The following ERO1B variants were observed in gnomAD, a reference collection of about 807,000 sequenced individuals.
The protein encoded by ERO1B is ERO1-like protein beta.
A neutral mutation model predicts 75.3 loss-of-function variants in ERO1B; 49 were observed. The observed-to-expected ratio is 0.65, with a 90% confidence interval of 0.52 to 0.83. The LOEUF is 0.83. Ranked by LOEUF, ERO1B falls within the 40% of genes least tolerant of loss-of-function variation. The pLI is 0.00. For missense variants in ERO1B, 512 were observed against 560.1 expected (o/e 0.91, Z 0.87); for synonymous variants, 191 against 192.9 (o/e 0.99, Z 0.08).
At chr1:236,276,920 G>A (rs1333946071) in intron 1 of ERO1B, among the ~76,000 whole-genome samples, 1 of 152,138 alleles carries the variant, frequency 6.6e-6, no homozygotes, top group African/African-American at 2.4e-5. Flanking sequence ...AATCATGGGG[G>A]CGGACTTCCC....
intron 1 of ERO1B, among the ~76,000 whole-genome samples, chr1:236,270,456 T>G (rs1264555652): frequency 1.3e-5 from 2 of 152,178 alleles, no homozygotes; most frequent in Admixed American, 6.5e-5. Flanking sequence ...ATTTCATGAA[T>G]GAGGTATTAT....
At chr1:236,236,099 G>A (rs1664536305) in intron 7 of ERO1B, among the ~76,000 whole-genome samples, 179 bp downstream of exon 7, 1 of 151,962 alleles carries the variant, frequency 6.6e-6, no homozygotes, top group African/African-American at 2.4e-5. Flanking sequence ...TAATTTTTTT[G>A]TATTTTTAGT....
At chr1:236,256,235 G>A (rs562968216) in intron 2 of ERO1B, among the ~76,000 whole-genome samples, 40 of 152,262 alleles carry the variant, frequency 2.6e-4, no homozygotes, top group African/African-American at 9.1e-4. Flanking sequence ...CCTCTCATTA[G>A]AAGGAGGCAA....
chr1:236,274,015 ACT>A (rs1387897350), intron 1 of ERO1B, among the ~76,000 whole-genome samples: 2 of 127,572 alleles, frequency 1.6e-5, no homozygotes, highest in Non-Finnish European at 3.1e-5. Flanking sequence ...ACAGAGTCTC[ACT>A]CTGTCACCCA....
At chr1:236,267,994 C>G (rs1558521730) in intron 2 of ERO1B, 1 of 152,004 alleles carries the variant, frequency 6.6e-6, no homozygotes. Flanking sequence ...AAGCACATGT[C>G]TTATTCATAT....
At chr1:236,239,614 C>T (rs1664632269) in intron 6 of ERO1B, among the ~76,000 whole-genome samples, 1 of 151,766 alleles carries the variant, frequency 6.6e-6, no homozygotes, top group Non-Finnish European at 1.5e-5. Context: ...TGAAACTTGT[C>T]TCAGTTTGCA....
At chr1:236,281,537 T>C (rs919373032) in intron 1 of ERO1B, 145 bp downstream of exon 1, 54 of 520,706 alleles carry the variant, frequency 1.0e-4, no homozygotes, top group African/African-American at 9.9e-4. Flanking sequence ...GTCAGGTCTC[T>C]GCTCCCCGGG....
rs768924911 is a variant in ERO1B at position 236,281,757 on chromosome 1, G to A, written c.27C>T (p.Gly9=). The A allele has an allele frequency of 5.9e-6, 9 of 1,513,476 alleles. No individual in the cohort carries two copies. In the African/African-American group the frequency reaches 7.1e-5, roughly 12 times the overall value. The allele number at this position is 1,513,476 out of a possible 1,614,324, so 93.8% of individuals were successfully genotyped here. The stretch of plus-strand genomic sequence containing the variant: ...CCGCGGCCGCTACCCCCTGCCCAGC[G>A]CCTGCCCGGCGGACCCCTTGGCTCA... MSQGVRRA[G]AGQGVAAAVQ... The change falls in exon 1 of 16, where the codon GGC becomes GGT. Residue 9 remains glycine (G), a synonymous_variant. Transcript: ENST00000354619.
chr1:236,246,057 C>T lies in ERO1B; in HGVS notation c.432-2562G>A, dbSNP rs182131512. 1.4e-3 allele frequency among the ~76,000 whole-genome samples: 218 copies of T among 152,280 alleles called. 1 individual carries two copies. Among genetic ancestry groups the T allele is most frequent in the Admixed American group, 3.2e-3 (49 of 15,294 alleles). On this transcript the variant is annotated intron_variant, in intron 5 of 15. Coordinates refer to ENST00000354619, the MANE Select transcript of ERO1B (RefSeq NM_019891.4). ...AGTTGTAGAACAGATAACTGATACACTACTAGTAGCAATATAATTTGGTAG... is the reference window on the plus strand; with the variant it reads ...AGTTGTAGAACAGATAACTGATACATTACTAGTAGCAATATAATTTGGTAG...
Position 236,220,867 on chromosome 1 carries a change from T to C in ERO1B, c.1308A>G (p.Arg436=). ...NSPSKGFQLT[R]QEIVALLNAF... is the part of the protein sequence containing the mutation. Reference sequence around the variant, plus strand: ...CATTTAAAAGAGCAACTATTTCCTGTCGGGTGAGTTGGAAGCCTTTAGATG... The same window carrying C: ...CATTTAAAAGAGCAACTATTTCCTGCCGGGTGAGTTGGAAGCCTTTAGATG... The change falls in exon 15 of 16, where the codon CGA becomes CGG. Residue 436 remains arginine, a synonymous_variant. Coordinates refer to ENST00000354619, the MANE Select transcript of ERO1B (RefSeq NM_019891.4). The C allele has an allele frequency of 6.3e-7, 1 of 1,590,210 alleles. No individual in the cohort carries two copies. Among genetic ancestry groups the C allele is most frequent in the South Asian group, 1.2e-5 (1 of 84,932 alleles).
intron 4 of ERO1B, among the ~76,000 whole-genome samples, chr1:236,250,275 G>C (rs1301824569): frequency 6.6e-6 from 1 of 151,914 alleles, no homozygotes; most frequent in Admixed American, 6.6e-5. Flanking sequence ...TTCAAGACCA[G>C]CCTGGTCAAC....
At chr1:236,223,267 T>C (rs1020465888) in intron 13 of ERO1B, among the ~76,000 whole-genome samples, 1 of 151,824 alleles carries the variant, frequency 6.6e-6, no homozygotes, top group African/African-American at 2.4e-5. Flanking sequence ...CCTATAAGCA[T>C]TTGTGTGCAA....
chr1:236,229,757 A>T, intron 10 of ERO1B, among the ~76,000 whole-genome samples: 1 of 152,186 alleles, frequency 6.6e-6, no homozygotes, highest in Non-Finnish European at 1.5e-5. Flanking sequence ...ATATATCAGG[A>T]TCTATATTGC....
Position 236,222,020 on chromosome 1 carries a change from A to C in ERO1B, c.1123-10T>G, listed in dbSNP as rs1180627707. On this transcript the variant is annotated splice_polypyrimidine_tract_variant and intron_variant, in intron 13 of 15. Coordinates refer to ENST00000354619, the MANE Select transcript of ERO1B (RefSeq NM_019891.4). Reference sequence around the variant, plus strand: ...GTAATCGGAATTCCTCCTAGCAAGCAGAAAATATTTTCAGTCTAATTAGAC... The same window carrying C: ...GTAATCGGAATTCCTCCTAGCAAGCCGAAAATATTTTCAGTCTAATTAGAC... 1.2e-6 allele frequency: 2 copies of C among 1,606,998 alleles called. No homozygotes were observed. The highest frequency in any genetic ancestry group is 1.3e-5 in the African/African-American group (1 of 74,876).
Position 236,249,970 on chromosome 1 carries a change from G to A in ERO1B, c.349-3C>T, listed in dbSNP as rs755892281. 10 of 1,583,446 alleles carry A rather than the reference G, an allele frequency of 6.3e-6. No individual in the cohort carries two copies. The African/African-American group carries it at 1.4e-4, about 21-fold the overall frequency. ...GTATTGTTTGCCATTTTCAAGTACT[G>A]CAAAGAAGTTCGTAAGTTTAGTAAA... On this transcript the variant is annotated splice_polypyrimidine_tract_variant and splice_region_variant and intron_variant, in intron 4 of 15. Coordinates refer to ENST00000354619, the MANE Select transcript of ERO1B (RefSeq NM_019891.4).
intron 1 of ERO1B, among the ~76,000 whole-genome samples, chr1:236,279,510 A>AAAAAC (rs1572075654): frequency 1.4e-5 from 2 of 144,434 alleles, no homozygotes; most frequent in Non-Finnish European, 3.1e-5. Flanking sequence ...ATCTCAAAAA[A>AAAAAC]AAAAAAAAAA....
rs115174311 is a variant in ERO1B at position 236,229,727 on chromosome 1, C to T, written c.712+497G>A. Among the ~76,000 whole-genome samples, 798 of 152,220 alleles carry T rather than the reference C, an allele frequency of 5.2e-3. 11 individuals are homozygous for T. Among genetic ancestry groups the T allele is most frequent in the African/African-American group, 0.017 (706 of 41,540 alleles). On this transcript the variant is annotated intron_variant, in intron 10 of 15. Transcript: ENST00000354619. ...TTTGATATTTTCAACACTGGAAGTA[C>T]AAGAATGCAAAAGCATCTAATATAT...
At position 236,269,222 on chromosome 1, in the gene ERO1B, G is replaced by A. The variant is rs948196174; in HGVS notation, c.222+653C>T. ...TGCACTTCAGCCTGGGTGACAGAGC[G>A]AGACTTCATCTCAAAAATAGTAAGA... On this transcript the variant is annotated intron_variant, in intron 2 of 15. Coordinates refer to ENST00000354619, the MANE Select transcript of ERO1B (RefSeq NM_019891.4). Among the ~76,000 whole-genome samples, 16 of 152,282 alleles carry A rather than the reference G, an allele frequency of 1.1e-4. No individual in the cohort carries two copies. The East Asian group carries it at 1.7e-3, about 17-fold the overall frequency.
chr1:236,232,701 C>A, intron 9 of ERO1B, 127 bp downstream of exon 9: 5 of 597,438 alleles, frequency 8.4e-6, no homozygotes, highest in South Asian at 3.4e-5. Flanking sequence ...GGTCACCATT[C>A]ATTAGTAGCT....
Sources: gnomAD v4.1 joint callset for allele counts (sites outside exome capture counted in the v4.1 genomes callset) on GRCh38, gnomAD v4.1.1 for gene constraint, MANE v1.5 for transcripts, NCBI Gene and HGNC (gene_info 2026-07-23, HGNC 2026-07-21) for gene names.